The following MACROD2 variants were observed in gnomAD, a reference collection of about 807,000 sequenced individuals.
The protein encoded by MACROD2 is mono-ADP ribosylhydrolase 2, also known as ADP-ribose glycohydrolase MACROD2.
Under a neutral mutation model 70.4 loss-of-function variants are expected in MACROD2, and 36 were observed. The observed-to-expected ratio is 0.51, with a 90% CI of 0.39 to 0.68. The LOEUF (loss-of-function observed/expected upper bound fraction) is 0.68. Among genes scored for constraint, MACROD2 ranks in the 30% least tolerant of loss-of-function variants. The pLI is 0.00. For missense variants in MACROD2, 496 were observed against 538.4 expected (o/e 0.92, Z 0.78); for synonymous variants, 172 against 178.8 (o/e 0.96, Z 0.30).
At chr20:14,966,701 T>A (rs527698610) in intron 5 of MACROD2, among the ~76,000 whole-genome samples, 1 of 151,724 alleles carries the variant, frequency 6.6e-6, no homozygotes, top group African/African-American at 2.4e-5. Flanking sequence ...AGATTCATAC[T>A]ATATGTTCTC....
chr20:14,119,488 C>T (rs2054556575), intron 3 of MACROD2, among the ~76,000 whole-genome samples: 1 of 152,012 alleles, frequency 6.6e-6, no homozygotes, highest in East Asian at 1.9e-4. Flanking sequence ...ATTTTTAACA[C>T]CCATCCACAT....
intron 8 of MACROD2, among the ~76,000 whole-genome samples, chr20:15,807,982 T>TA (rs1213489668): frequency 6.6e-6 from 1 of 152,256 alleles, no homozygotes; most frequent in Non-Finnish European, 1.5e-5. Context: ...GTTATTTGCA[T>TA]AAAAAAGCAC....
intron 3 of MACROD2, among the ~76,000 whole-genome samples, chr20:14,242,290 A>AT (rs2122238469): frequency 6.6e-6 from 1 of 152,284 alleles, no homozygotes; most frequent in East Asian, 1.9e-4. Context: ...ACACTTAAGC[A>AT]TTCTAAAAAG....
chr20:14,079,816 G>A (rs1199356196), intron 2 of MACROD2, among the ~76,000 whole-genome samples: 1 of 152,162 alleles, frequency 6.6e-6, no homozygotes, highest in Non-Finnish European at 1.5e-5. Flanking sequence ...GGGAAAACCG[G>A]CCTGGTACCT....
chr20:14,959,513 C>G (rs1436185430), intron 5 of MACROD2, among the ~76,000 whole-genome samples: 10 of 152,072 alleles, frequency 6.6e-5, no homozygotes, highest in Non-Finnish European at 1.5e-5. Flanking sequence ...CTTCTTTTTC[C>G]CTCCCTCCCC....
intron 6 of MACROD2, among the ~76,000 whole-genome samples, chr20:15,269,433 A>G (rs918005932): frequency 6.6e-6 from 1 of 152,234 alleles, no homozygotes; most frequent in Non-Finnish European, 1.5e-5. Context: ...GCTCCCTTGC[A>G]GCTGATTATG....
chr20:15,512,828 C>T (rs2047517697), intron 8 of MACROD2, among the ~76,000 whole-genome samples: 2 of 152,126 alleles, frequency 1.3e-5, no homozygotes, highest in South Asian at 4.1e-4. Context: ...TTGCTGAGAA[C>T]ACTACCTACC....
At chr20:15,451,686 G>C (rs1293189822) in intron 7 of MACROD2, among the ~76,000 whole-genome samples, 2 of 152,082 alleles carry the variant, frequency 1.3e-5, no homozygotes, top group Admixed American at 6.6e-5. Context: ...TACACAGCAG[G>C]AAAGAAAAAT....
intron 8 of MACROD2, among the ~76,000 whole-genome samples, chr20:15,527,086 T>C (rs2047731761): frequency 6.6e-6 from 1 of 152,132 alleles, no homozygotes. Flanking sequence ...CTATCTCAGC[T>C]TTCCCTCCCC....
At chr20:15,146,697 A>T (rs1023624792) in intron 5 of MACROD2, among the ~76,000 whole-genome samples, 1 of 152,134 alleles carries the variant, frequency 6.6e-6, no homozygotes, top group Non-Finnish European at 1.5e-5. Flanking sequence ...CTTCATCTGT[A>T]CACCTGACTT....
intron 13 of MACROD2, among the ~76,000 whole-genome samples, chr20:15,976,187 T>G (rs371332934): frequency 9.9e-5 from 15 of 152,232 alleles, no homozygotes; most frequent in African/African-American, 3.6e-4. Context: ...AATGCTTCAT[T>G]CTAGACTGAT....
At chr20:14,316,895 TCTC>T (rs577293900) in intron 3 of MACROD2, among the ~76,000 whole-genome samples, 54 of 152,122 alleles carry the variant, frequency 3.5e-4, no homozygotes, top group African/African-American at 1.2e-3. Context: ...CCCCACACCT[TCTC>T]CTCCTCTTTT....
chr20:14,813,622 C>T (rs529172340), intron 5 of MACROD2, among the ~76,000 whole-genome samples: 1 of 152,022 alleles, frequency 6.6e-6, no homozygotes, highest in South Asian at 2.1e-4. Context: ...AAATAAGGAG[C>T]CAGATGGAGG....
At chr20:15,280,172 C>T (rs1005794565) in intron 6 of MACROD2, among the ~76,000 whole-genome samples, 2 of 152,266 alleles carry the variant, frequency 1.3e-5, no homozygotes, top group Non-Finnish European at 1.5e-5. Flanking sequence ...TTTAACAATG[C>T]TGCCTTAGGG....
chr20:14,064,933 G>A (rs111992088), intron 2 of MACROD2, among the ~76,000 whole-genome samples: 3,469 of 152,204 alleles, frequency 0.023, 53 homozygotes, highest in Non-Finnish European at 0.038. Context: ...CTTTCACATC[G>A]GTAGGGAAAA....
intron 8 of MACROD2, among the ~76,000 whole-genome samples, chr20:15,721,309 TCA>T (rs1307104925): frequency 9.2e-5 from 14 of 152,206 alleles, no homozygotes; most frequent in Non-Finnish European, 1.6e-4. Flanking sequence ...GGCTTGTTAC[TCA>T]CAGACTTCAC....
At chr20:15,920,029 AT>A (rs2065379066) in intron 10 of MACROD2, among the ~76,000 whole-genome samples, 2 of 152,314 alleles carry the variant, frequency 1.3e-5, no homozygotes, top group South Asian at 4.1e-4. Context: ...AGACTAGATA[AT>A]TAGAGTGTTA....
intron 4 of MACROD2, among the ~76,000 whole-genome samples, chr20:14,498,071 T>C (rs1402057382): frequency 6.6e-6 from 1 of 151,744 alleles, no homozygotes. Flanking sequence ...ATTTCTGATT[T>C]GGACAGTTCT....
chr20:14,237,854 T>A (rs941864774), intron 3 of MACROD2, among the ~76,000 whole-genome samples: 4 of 152,068 alleles, frequency 2.6e-5, no homozygotes, highest in Non-Finnish European at 4.4e-5. Context: ...TTCATCCATG[T>A]CCCCACAAAG....
Sources: gnomAD v4.1 joint callset for allele counts (sites outside exome capture counted in the v4.1 genomes callset) on GRCh38, gnomAD v4.1.1 for gene constraint, MANE v1.5 for transcripts, NCBI Gene and HGNC (gene_info 2026-07-23, HGNC 2026-07-21) for gene names.